The following DGKD variants were observed in gnomAD, a reference collection of about 807,000 sequenced individuals.
DGKD encodes the protein diacylglycerol kinase delta, also known as DAG kinase delta.
A neutral mutation model predicts 154.4 loss-of-function variants in DGKD; 68 were observed. The ratio of observed to expected loss-of-function variants is 0.44; its 90% CI spans 0.36 to 0.54. The LOEUF (loss-of-function observed/expected upper bound fraction) is 0.54, where lower values mean the gene tolerates loss of function less well. DGKD is among the 20% of genes least tolerant of loss of function. The probability of loss-of-function intolerance (pLI) is 0.00; values close to 1 mark genes in which losing one functional copy is unlikely to be tolerated. For synonymous variants in DGKD, 693 were observed against 638.0 expected (o/e 1.09, Z -1.30); for missense variants, 1,343 against 1,593.6 (o/e 0.84, Z 2.68).
intron 3 of DGKD, among the ~76,000 whole-genome samples, chr2:233,421,878 C>CAATTTATTT (rs1196046318): frequency 1.3e-5 from 2 of 152,216 alleles, no homozygotes; most frequent in African/African-American, 2.4e-5. Flanking sequence ...TGAAAGACTG[C>CAATTTATTT]CTGAATTTAT....
In DGKD at chr2:233,454,526, A is replaced by G. The variant is rs975815479; in HGVS notation, c.2265-237A>G. The G allele has an allele frequency of 1.2e-5, 6 of 510,054 alleles. No homozygotes were observed. In the East Asian group the frequency reaches 2.7e-4, roughly 23 times the overall value. 31.6% of individuals were successfully genotyped at this position (510,054 alleles called of 1,614,324 possible). A position where few individuals can be genotyped will look rare whatever the true frequency, so the allele number is the denominator to read the frequency against. On this transcript the variant is annotated intron_variant, in intron 18 of 29. Coordinates refer to ENST00000264057, the MANE Select transcript of DGKD (RefSeq NM_152879.3). ...CAGGCTTTCTCTTTAGGGGGATGAA[A>G]TGCTCTAAAATCGATTATCTAGTGA...
chr2:233,434,346 T>C, intron 3 of DGKD, 34 bp from the exon 4 acceptor site: 1 of 1,569,022 alleles, frequency 6.4e-7, no homozygotes, highest in South Asian at 1.1e-5. Flanking sequence ...TTGCCTTTTG[T>C]TCATGGATCT....
At chr2:233,414,884 C>T (rs115448569) in intron 3 of DGKD, among the ~76,000 whole-genome samples, 99 of 152,220 alleles carry the variant, frequency 6.5e-4, no homozygotes, top group African/African-American at 2.4e-3. Flanking sequence ...GTACACTGAC[C>T]TGGGGCTGAT....
intron 3 of DGKD, among the ~76,000 whole-genome samples, chr2:233,427,550 C>T (rs1409342300): frequency 6.6e-6 from 1 of 152,072 alleles, no homozygotes; most frequent in Non-Finnish European, 1.5e-5. Context: ...CCATGTTGGC[C>T]AGGCTGGTCT....
At position 233,452,109 on chromosome 2, in the gene DGKD, G is replaced by A. The variant is rs1472672439; in HGVS notation, c.2264+49G>A. On this transcript the variant is annotated intron_variant, in intron 18 of 29. Coordinates refer to ENST00000264057, the MANE Select transcript of DGKD (RefSeq NM_152879.3). The surrounding 1 kb of genome is among the most constrained non-coding windows in gnomAD (Gnocchi z 4.0). ...TGGGCATATTGTTACATGGCTGCTAGTGCATAGAAAACAGATCTCAGGATT... is the reference window on the plus strand; with the variant it reads ...TGGGCATATTGTTACATGGCTGCTAATGCATAGAAAACAGATCTCAGGATT... The A allele has an allele frequency of 1.3e-6, 2 of 1,522,020 alleles. No individual in the cohort carries two copies. The highest frequency in any genetic ancestry group is 1.8e-6 in the Non-Finnish European group (2 of 1,097,022). The allele number at this position is 1,522,020 out of a possible 1,614,324, so 94.3% of individuals were successfully genotyped here. A position where few individuals can be genotyped will look rare whatever the true frequency, so the allele number is the denominator to read the frequency against.
At chr2:233,390,005 AG>A (rs1703484204) in intron 2 of DGKD, among the ~76,000 whole-genome samples, 1 of 152,250 alleles carries the variant, frequency 6.6e-6, no homozygotes, top group African/African-American at 2.4e-5. Context: ...CGGAATCCTC[AG>A]TCCAGACCCC....
intron 3 of DGKD, among the ~76,000 whole-genome samples, chr2:233,425,433 C>T (rs1016878747): frequency 5.9e-5 from 9 of 152,092 alleles, no homozygotes; most frequent in Non-Finnish European, 1.3e-4. Context: ...GTGATTTGCC[C>T]GCCTCAGCCT....
chr2:233,463,925 C>T, intron 26 of DGKD: 1 of 535,926 alleles, frequency 1.9e-6, no homozygotes, highest in Non-Finnish European at 3.3e-6. Flanking sequence ...AGTTGTCAGC[C>T]TTGCTCTATG....
At chr2:233,461,340 G>A (rs533434752) in intron 24 of DGKD, among the ~76,000 whole-genome samples, 28 of 152,382 alleles carry the variant, frequency 1.8e-4, no homozygotes, top group African/African-American at 5.3e-4. Context: ...CCGGCATGCC[G>A]TGTGCCCTTC....
At chr2:233,446,565 T>C (rs1278505628) in intron 11 of DGKD, 147 bp from the exon 12 acceptor site, 17 of 702,302 alleles carry the variant, frequency 2.4e-5, no homozygotes, top group East Asian at 1.6e-4. Flanking sequence ...AGCCAAGTTA[T>C]GGGACAGAGT....
intron 3 of DGKD, among the ~76,000 whole-genome samples, chr2:233,400,573 C>T (rs1391049439): frequency 6.6e-6 from 1 of 152,248 alleles, no homozygotes; most frequent in Non-Finnish European, 1.5e-5. Context: ...TGCCCCCTAC[C>T]TTGGGCAGGA....
chr2:233,435,438 A>G (rs1278339121), intron 5 of DGKD, among the ~76,000 whole-genome samples: 1 of 152,222 alleles, frequency 6.6e-6, no homozygotes, highest in Non-Finnish European at 1.5e-5. Context: ...AAAAATCAAA[A>G]GAAGAATCAT....
At chr2:233,415,333 G>A (rs896723042) in intron 3 of DGKD, among the ~76,000 whole-genome samples, 2 of 152,214 alleles carry the variant, frequency 1.3e-5, no homozygotes, top group East Asian at 3.9e-4. Context: ...GTTATGAGAT[G>A]CCTGCAGCAA....
At chr2:233,453,308 A>C (rs1408696466) in intron 18 of DGKD, among the ~76,000 whole-genome samples, 2 of 152,058 alleles carry the variant, frequency 1.3e-5, no homozygotes, top group Non-Finnish European at 2.9e-5. Context: ...TGCCCCAGCC[A>C]CTGCCGCCCC....
intron 3 of DGKD, among the ~76,000 whole-genome samples, chr2:233,418,356 G>GC (rs1185638861): frequency 2.6e-5 from 4 of 152,128 alleles, no homozygotes; most frequent in South Asian, 2.1e-4. Context: ...CCTGCCAGAG[G>GC]CCCCCCCGCC....
chr2:233,451,683 C>T (rs929344750), intron 17 of DGKD, among the ~76,000 whole-genome samples: 2 of 151,884 alleles, frequency 1.3e-5, no homozygotes, highest in African/African-American at 2.4e-5. Flanking sequence ...CCTCCCCACT[C>T]AGCCTCCCAA....
chr2:233,410,864 G>A (rs2061811423), intron 3 of DGKD, among the ~76,000 whole-genome samples: 1 of 152,068 alleles, frequency 6.6e-6, no homozygotes, highest in Non-Finnish European at 1.5e-5. Flanking sequence ...GAATTTCCTT[G>A]TAATCCTTCC....
intron 18 of DGKD, chr2:233,454,231 C>T (rs116247123): frequency 1.7e-4 from 61 of 363,822 alleles, no homozygotes; most frequent in African/African-American, 1.1e-3. Flanking sequence ...TCCCAGTGTC[C>T]GTCTGCTGAT....
chr2:233,397,618 C>G (rs2061451170), intron 3 of DGKD, among the ~76,000 whole-genome samples: 1 of 151,898 alleles, frequency 6.6e-6, no homozygotes. Flanking sequence ...CCAGAGGGGA[C>G]CAGGGCAGAG....
Sources: gnomAD v4.1 joint callset for allele counts (sites outside exome capture counted in the v4.1 genomes callset) on GRCh38, gnomAD v4.1.1 for gene constraint, Gnocchi (gnomAD v3.1) non-coding constraint, MANE v1.5 for transcripts, NCBI Gene and HGNC (gene_info 2026-07-23, HGNC 2026-07-21) for gene names.